The following SLIT3 variants were observed in gnomAD, a reference collection of about 807,000 sequenced individuals.
SLIT3 encodes slit homolog 3 protein.
Under a neutral mutation model 184.0 loss-of-function variants are expected in SLIT3, and 68 were observed. That is an observed-to-expected ratio of 0.37 (90% confidence interval 0.30 to 0.45). The LOEUF (loss-of-function observed/expected upper bound fraction) is 0.45. SLIT3 is among the 20% of genes least tolerant of loss of function. The probability of loss-of-function intolerance (pLI) is 1.00; values close to 1 mark genes in which losing one functional copy is unlikely to be tolerated. For synonymous variants in SLIT3, 831 were observed against 828.6 expected (o/e 1.00, Z -0.05); for missense variants, 1,707 against 2,026.0 (o/e 0.84, Z 3.02).
At chr5:169,090,362 G>C (rs1470749126) in intron 4 of SLIT3, among the ~76,000 whole-genome samples, 1 of 152,202 alleles carries the variant, frequency 6.6e-6, no homozygotes, top group African/African-American at 2.4e-5. Context: ...TCAGGGCCCA[G>C]ATGGAAGCCA....
In SLIT3 at chr5:168,723,675, G is replaced by A. The variant is rs76301115; in HGVS notation, c.2340-671C>T. ...GTCTTAGGAGGACTGAGGTTGGTGG[G>A]GGTGCAGTCCTCTGCCAGCTGCAAC... On this transcript the variant is annotated intron_variant, in intron 21 of 35. Transcript: ENST00000519560. 5.2e-4 allele frequency among the ~76,000 whole-genome samples: 79 copies of A among 152,252 alleles called. No homozygotes were observed. In the East Asian group the frequency reaches 0.014, roughly 26 times the overall value.
chr5:168,789,743 C>G (rs536345674), intron 10 of SLIT3, 112 bp from the exon 11 acceptor site: 7 of 771,534 alleles, frequency 9.1e-6, no homozygotes, highest in Non-Finnish European at 1.5e-5. Flanking sequence ...ATTAATCAAT[C>G]AATCAAGCAA....
intron 4 of SLIT3, among the ~76,000 whole-genome samples, chr5:168,988,244 C>T (rs570708830): frequency 6.0e-4 from 92 of 152,330 alleles, no homozygotes; most frequent in Middle Eastern, 6.8e-3. Flanking sequence ...GATGGTTGCT[C>T]GCTCTAGGGC....
chr5:169,021,382 G>T (rs374559594), intron 4 of SLIT3, among the ~76,000 whole-genome samples: 6 of 151,860 alleles, frequency 4.0e-5, no homozygotes, highest in African/African-American at 1.2e-4. Flanking sequence ...GGAGTCTCTT[G>T]CTCTGTCACC....
At chr5:169,015,361 T>C (rs916254682) in intron 4 of SLIT3, among the ~76,000 whole-genome samples, 4 of 152,156 alleles carry the variant, frequency 2.6e-5, no homozygotes, top group Non-Finnish European at 5.9e-5. Flanking sequence ...TGTGTGTTAA[T>C]GACTGTGGGG....
In SLIT3 at chr5:168,929,863, C is replaced by T. The variant is rs775316865; in HGVS notation, c.414-46527G>A. ...GGGCCGGCCTCCACAGCAGAGGAGGCGGGTGTTTCCCCAAAGTCAGGCTCC... is the reference window on the plus strand; with the variant it reads ...GGGCCGGCCTCCACAGCAGAGGAGGTGGGTGTTTCCCCAAAGTCAGGCTCC... On this transcript the variant is annotated intron_variant, in intron 4 of 35. Transcript: ENST00000519560. 1.2e-4 allele frequency among the ~76,000 whole-genome samples: 18 copies of T among 152,306 alleles called. No individual in the cohort carries two copies. The South Asian group carries it at 1.5e-3, about 12-fold the overall frequency.
intron 23 of SLIT3, among the ~76,000 whole-genome samples, chr5:168,721,859 T>C (rs913442310): frequency 3.3e-5 from 5 of 152,150 alleles, no homozygotes; most frequent in Admixed American, 6.5e-5. Context: ...CCATGCTGCA[T>C]TGCCCCTCTG....
At chr5:169,134,776 A>T (rs1761438493) in intron 4 of SLIT3, among the ~76,000 whole-genome samples, 1 of 152,098 alleles carries the variant, frequency 6.6e-6, no homozygotes, top group African/African-American at 2.4e-5. Context: ...GTAGGCCCTG[A>T]CCCTTCATGC....
chr5:168,860,826 T>C (rs1297161674), intron 5 of SLIT3, among the ~76,000 whole-genome samples: 1 of 152,226 alleles, frequency 6.6e-6, no homozygotes, highest in Non-Finnish European at 1.5e-5. Flanking sequence ...TTGCCTTTCC[T>C]ATGAAACCCC....
chr5:169,124,206 G>C (rs1328883787), intron 4 of SLIT3, among the ~76,000 whole-genome samples: 1 of 152,190 alleles, frequency 6.6e-6, no homozygotes, highest in Admixed American at 6.5e-5. Context: ...GGAATAGACT[G>C]AATGGCAGGT....
chr5:168,850,979 A>G (rs1442797353), intron 5 of SLIT3, among the ~76,000 whole-genome samples: 1 of 152,210 alleles, frequency 6.6e-6, no homozygotes, highest in Non-Finnish European at 1.5e-5. Flanking sequence ...CTTTTGGCAA[A>G]TGAATTTGTG....
chr5:168,692,421 C>A (rs1426592810), intron 29 of SLIT3, among the ~76,000 whole-genome samples, 186 bp downstream of exon 29: 1 of 152,120 alleles, frequency 6.6e-6, no homozygotes, highest in East Asian at 1.9e-4. Flanking sequence ...GAGACACCCA[C>A]AGACAGACAG....
chr5:169,192,621 G>A (rs1425037428), intron 4 of SLIT3, among the ~76,000 whole-genome samples: 3 of 152,144 alleles, frequency 2.0e-5, no homozygotes, highest in South Asian at 2.1e-4. Context: ...TGGCCACAAC[G>A]TTGGAGCCTC....
chr5:168,689,598 T>A (rs968583997), intron 29 of SLIT3, among the ~76,000 whole-genome samples: 3 of 152,266 alleles, frequency 2.0e-5, no homozygotes, highest in South Asian at 4.1e-4. Context: ...AAAGAATAAG[T>A]TAGCAGTACA....
chr5:168,759,165 C>G (rs1308844237), intron 16 of SLIT3, among the ~76,000 whole-genome samples: 1 of 152,174 alleles, frequency 6.6e-6, no homozygotes, highest in East Asian at 1.9e-4. Flanking sequence ...AAGGGATACT[C>G]AACCAGTACT....
At chr5:169,248,223 C>A (rs757093741) in intron 2 of SLIT3, among the ~76,000 whole-genome samples, 1 of 152,098 alleles carries the variant, frequency 6.6e-6, no homozygotes, top group Non-Finnish European at 1.5e-5. Context: ...ATCTCCTCTA[C>A]GTTTCTCTTA....
chr5:168,973,678 GAC>G (rs1750941888), intron 4 of SLIT3, among the ~76,000 whole-genome samples: 1 of 152,136 alleles, frequency 6.6e-6, no homozygotes, highest in Non-Finnish European at 1.5e-5. Context: ...GTCAATATTA[GAC>G]AGTTTTCATT....
chr5:169,051,829 A>G (rs1188704229), intron 4 of SLIT3, among the ~76,000 whole-genome samples: 1 of 152,152 alleles, frequency 6.6e-6, no homozygotes, highest in Non-Finnish European at 1.5e-5. Context: ...AGACAGAAAG[A>G]AAGGAAGAGA....
At chr5:168,678,153 G>A (rs909392374) in intron 32 of SLIT3, among the ~76,000 whole-genome samples, 39 of 152,150 alleles carry the variant, frequency 2.6e-4, no homozygotes, top group Admixed American at 1.2e-3. Flanking sequence ...GCCGGTAGGT[G>A]CTCATGGGTT....
Sources: allele counts gnomAD v4.1 joint callset (sites outside exome capture counted in the v4.1 genomes callset), GRCh38; gene constraint gnomAD v4.1.1; transcripts MANE v1.5; gene names NCBI Gene and HGNC (gene_info 2026-07-23, HGNC 2026-07-21).